The following NRG1 variants were observed in gnomAD, a reference collection of about 807,000 sequenced individuals.
NRG1 encodes neuregulin 1, also known as pro-neuregulin-1, membrane-bound isoform.
Under a neutral mutation model 63.8 loss-of-function variants are expected in NRG1, and 18 were observed. The observed-to-expected ratio is 0.28, with a 90% CI of 0.19 to 0.42. NRG1 has a LOEUF of 0.42. Among genes scored for constraint, NRG1 ranks in the 10% least tolerant of loss-of-function variants. NRG1 has a pLI of 1.00. For missense variants in NRG1, 762 were observed against 814.7 expected (o/e 0.94, Z 0.79); for synonymous variants, 302 against 301.3 (o/e 1.00, Z -0.02).
intron 1 of NRG1, among the ~76,000 whole-genome samples, chr8:32,046,139 G>A (rs965832235): frequency 6.9e-5 from 2 of 29,040 alleles, no homozygotes; most frequent in Non-Finnish European, 1.0e-4. Context: ...CAAAAGTCTT[G>A]AACAGATTGT....
chr8:32,383,635 A>G (rs932534903), intron 1 of NRG1, among the ~76,000 whole-genome samples: 3 of 152,234 alleles, frequency 2.0e-5, no homozygotes, highest in Non-Finnish European at 4.4e-5. Flanking sequence ...AGAGTCACAT[A>G]GATGTGACTG....
At chr8:32,141,723 C>T (rs1030416524) in intron 1 of NRG1, among the ~76,000 whole-genome samples, 6 of 150,344 alleles carry the variant, frequency 4.0e-5, no homozygotes, top group African/African-American at 1.5e-4. Context: ...GACAACTCTT[C>T]TGGCTAAAGA....
intron 1 of NRG1, among the ~76,000 whole-genome samples, chr8:31,866,616 T>C (rs1402414079): frequency 1.3e-5 from 2 of 152,104 alleles, no homozygotes; most frequent in African/African-American, 4.8e-5. Context: ...AATACAAGTG[T>C]ATTAGAGAGT....
rs111923765 is a variant in NRG1 at position 32,593,107 on chromosome 8, G to A, written c.101-2721G>A. Among the ~76,000 whole-genome samples, 86 of 152,216 alleles carry A rather than the reference G, an allele frequency of 5.6e-4. 1 individual carries two copies. Among genetic ancestry groups the A allele is most frequent in the African/African-American group, 2.0e-3 (82 of 41,552 alleles). ...ATGTTGAGTAGGCTGAGGAGGAAGAGGAAGAGGCGGGCATTGGTCTTGCTG... is the reference window on the plus strand; with the variant it reads ...ATGTTGAGTAGGCTGAGGAGGAAGAAGAAGAGGCGGGCATTGGTCTTGCTG... On this transcript the variant is annotated intron_variant, in intron 1 of 11. Coordinates refer to ENST00000356819, the Ensembl canonical transcript of NRG1.
chr8:31,985,117 A>T (rs1809834039), intron 1 of NRG1, among the ~76,000 whole-genome samples: 1 of 152,104 alleles, frequency 6.6e-6, no homozygotes, highest in South Asian at 2.1e-4. Context: ...TGTTTATAAA[A>T]GCAAACTGTG....
chr8:31,755,491 T>G (rs1816877306), intron 1 of NRG1, among the ~76,000 whole-genome samples: 1 of 152,104 alleles, frequency 6.6e-6, no homozygotes, highest in East Asian at 1.9e-4. Context: ...TTTGTTTGAG[T>G]GACTAGCAAG....
intron 1 of NRG1, among the ~76,000 whole-genome samples, chr8:32,051,016 G>T (rs1277111150): frequency 1.3e-5 from 2 of 152,064 alleles, no homozygotes; most frequent in East Asian, 3.9e-4. Flanking sequence ...TTTCTGCGTA[G>T]GTAGAGAGTT....
intron 1 of NRG1, among the ~76,000 whole-genome samples, chr8:32,172,497 T>C (rs1302225108): frequency 6.6e-6 from 1 of 151,732 alleles, no homozygotes; most frequent in African/African-American, 2.4e-5. Context: ...CTGGATGGAG[T>C]ATGACTTTGA....
chr8:32,259,068 A>C (rs16879048), intron 1 of NRG1, among the ~76,000 whole-genome samples: 7,333 of 152,270 alleles, frequency 0.048, 306 homozygotes, highest in Middle Eastern at 0.12. Context: ...TGGTAAATCC[A>C]AATGATTTCT....
intron 1 of NRG1, among the ~76,000 whole-genome samples, chr8:31,960,107 A>T (rs914367230): frequency 6.6e-6 from 1 of 152,156 alleles, no homozygotes; most frequent in African/African-American, 2.4e-5. Flanking sequence ...ATCATGGGAG[A>T]CTTAAATGAA....
At chr8:32,079,239 T>C (rs1337227147) in intron 1 of NRG1, among the ~76,000 whole-genome samples, 1 of 152,006 alleles carries the variant, frequency 6.6e-6, no homozygotes, top group African/African-American at 2.4e-5. Context: ...AAAGTATCCC[T>C]AAGAGTATTT....
chr8:32,018,516 T>C (rs1815923298), intron 1 of NRG1, among the ~76,000 whole-genome samples: 1 of 152,246 alleles, frequency 6.6e-6, no homozygotes, highest in Non-Finnish European at 1.5e-5. Context: ...CAAAAATAGA[T>C]TGTTGCAGAA....
intron 1 of NRG1, among the ~76,000 whole-genome samples, chr8:31,832,170 A>G (rs1395069580): frequency 6.6e-6 from 1 of 152,156 alleles, no homozygotes; most frequent in African/African-American, 2.4e-5. Flanking sequence ...GGGACTAAAA[A>G]GAGCATTTTT....
chr8:32,154,648 G>A (rs950534878), intron 1 of NRG1, among the ~76,000 whole-genome samples: 5 of 152,160 alleles, frequency 3.3e-5, no homozygotes, highest in Non-Finnish European at 7.3e-5. Context: ...AGTGAAAAAT[G>A]TTGAAGTCAC....
At chr8:31,952,695 G>A (rs575634215) in intron 1 of NRG1, among the ~76,000 whole-genome samples, 84 of 152,336 alleles carry the variant, frequency 5.5e-4, no homozygotes, top group African/African-American at 2.0e-3. Context: ...ATTATGAGCT[G>A]ACATCTAATG....
At chr8:31,727,023 T>A (rs1813518729) in intron 1 of NRG1, among the ~76,000 whole-genome samples, 1 of 152,112 alleles carries the variant, frequency 6.6e-6, no homozygotes. Context: ...GAAAAACGAT[T>A]GTCTAAGGGG....
At chr8:32,394,832 G>C (rs763598707) in intron 1 of NRG1, among the ~76,000 whole-genome samples, 1 of 152,100 alleles carries the variant, frequency 6.6e-6, no homozygotes, top group Non-Finnish European at 1.5e-5. Context: ...TCATTTTTAC[G>C]GGGTGACAAA....
intron 1 of NRG1, among the ~76,000 whole-genome samples, chr8:31,845,031 C>T (rs566849694): frequency 3.9e-5 from 6 of 151,998 alleles, no homozygotes; most frequent in Non-Finnish European, 5.9e-5. Flanking sequence ...CATTCAAACC[C>T]GGGAGGCGGA....
At chr8:31,845,796 A>G (rs778012711) in intron 1 of NRG1, among the ~76,000 whole-genome samples, 1 of 152,208 alleles carries the variant, frequency 6.6e-6, no homozygotes, top group African/African-American at 2.4e-5. Context: ...AAACTTGTAC[A>G]TACCTTTTTA....
Sources: gnomAD v4.1 joint callset for allele counts (sites outside exome capture counted in the v4.1 genomes callset) on GRCh38, gnomAD v4.1.1 for gene constraint, MANE v1.5 for transcripts, NCBI Gene and HGNC (gene_info 2026-07-23, HGNC 2026-07-21) for gene names.